Variants in MACROD1 observed in about 807,000 individuals in gnomAD.
The protein encoded by MACROD1 is mono-ADP ribosylhydrolase 1.
MACROD1 carries 31 observed loss-of-function variants against 41.4 expected under a neutral mutation model. That is an observed-to-expected ratio of 0.75 (90% CI 0.56 to 1.01). MACROD1 has a LOEUF of 1.01. MACROD1 is among the 50% of genes least tolerant of loss of function. The pLI, the probability that MACROD1 is intolerant of heterozygous loss-of-function variation, is 0.00. For synonymous variants in MACROD1, 252 were observed against 203.4 expected (o/e 1.24, Z -2.03); for missense variants, 473 against 460.0 (o/e 1.03, Z -0.26).
chr11:64,031,334 C>T (rs1467800375), intron 3 of MACROD1, among the ~76,000 whole-genome samples: 2 of 152,198 alleles, frequency 1.3e-5, no homozygotes, highest in Non-Finnish European at 2.9e-5. Flanking sequence ...CCAGGGCCCA[C>T]CCTCCTGGTC....
chr11:64,149,133 T>G, intron 3 of MACROD1: 3 of 519,190 alleles, frequency 5.8e-6, no homozygotes, highest in Non-Finnish European at 7.4e-6. Context: ...GGAGGTACCA[T>G]GTCCCTCGGC....
intron 4 of MACROD1, among the ~76,000 whole-genome samples, chr11:64,014,497 C>T (rs777251453): frequency 9.2e-5 from 14 of 152,330 alleles, no homozygotes; most frequent in African/African-American, 3.1e-4. Context: ...ACACGGCCCC[C>T]GGGATTTATC....
intron 3 of MACROD1, among the ~76,000 whole-genome samples, chr11:64,057,985 T>C (rs1281977845): frequency 6.6e-6 from 1 of 152,238 alleles, no homozygotes; most frequent in Admixed American, 6.5e-5. Flanking sequence ...CCCCACCTTG[T>C]GCTCAGCCTC....
intron 3 of MACROD1, among the ~76,000 whole-genome samples, chr11:64,110,678 G>A (rs1472663296): frequency 1.3e-5 from 2 of 152,106 alleles, no homozygotes; most frequent in Non-Finnish European, 2.9e-5. Flanking sequence ...CTAAGGATCC[G>A]GCTGTCAGTC....
chr11:64,046,039 T>A (rs1414585280), intron 3 of MACROD1, among the ~76,000 whole-genome samples: 1 of 152,216 alleles, frequency 6.6e-6, no homozygotes, highest in Non-Finnish European at 1.5e-5. Context: ...AAGTGGGCAG[T>A]GATACTGTTA....
chr11:64,160,609 G>A (rs1179628941), intron 1 of MACROD1, among the ~76,000 whole-genome samples: 1 of 152,046 alleles, frequency 6.6e-6, no homozygotes, highest in Non-Finnish European at 1.5e-5. Flanking sequence ...CCAGGAGTTC[G>A]AGACCAGCCT....
At chr11:64,072,007 C>T (rs573822233) in intron 3 of MACROD1, among the ~76,000 whole-genome samples, 3 of 152,334 alleles carry the variant, frequency 2.0e-5, no homozygotes, top group South Asian at 2.1e-4. Context: ...TCCAGCAGGT[C>T]GATAGCAAAA....
At chr11:64,000,143 C>T (rs1040472127) in intron 5 of MACROD1, 84 bp downstream of exon 5, 2 of 1,137,324 alleles carry the variant, frequency 1.8e-6, no homozygotes, top group East Asian at 2.5e-5. Context: ...CCCAGCACTC[C>T]TGTGGGGGCC....
Sources: allele counts gnomAD v4.1 joint callset (sites outside exome capture counted in the v4.1 genomes callset), GRCh38; gene constraint gnomAD v4.1.1; transcripts MANE v1.5; gene names NCBI Gene and HGNC (gene_info 2026-07-23, HGNC 2026-07-21).